The following E2F6 variants were observed in gnomAD, a reference collection of about 807,000 sequenced individuals.
E2F6 encodes the protein E2F transcription factor 6, also known as transcription factor E2F6.
E2F6 carries 19 observed loss-of-function variants against 31.5 expected under a neutral mutation model. That is an observed-to-expected ratio of 0.60 (90% confidence interval 0.42 to 0.89). The LOEUF (loss-of-function observed/expected upper bound fraction) is 0.89, where lower values mean the gene tolerates loss of function less well. E2F6 is among the 40% of genes least tolerant of loss of function. The probability of loss-of-function intolerance (pLI) is 0.00; values close to 1 mark genes in which losing one functional copy is unlikely to be tolerated. For synonymous variants in E2F6, 121 were observed against 127.7 expected, an observed-to-expected ratio of 0.95 and a Z score of 0.36; for missense variants, 269 against 341.6, an observed-to-expected ratio of 0.79 and a Z score of 1.67.
chr2:11,463,717 T>A (rs1671928808), intron 1 of E2F6, among the ~76,000 whole-genome samples: 1 of 152,100 alleles, frequency 6.6e-6, no homozygotes, highest in South Asian at 2.1e-4. Context: ...TTTGGGGAGC[T>A]GAGGTGAGAG....
intron 1 of E2F6, among the ~76,000 whole-genome samples, chr2:11,464,671 T>C (rs73181982): frequency 0.055 from 8,335 of 152,036 alleles, 684 homozygotes; most frequent in African/African-American, 0.18. Flanking sequence ...GAGTTAGACA[T>C]TTGGAGCTTC....
chr2:11,447,805 A>C, intron 5 of E2F6, 31 bp from the exon 6 acceptor site: 2 of 1,588,448 alleles, frequency 1.3e-6, no homozygotes, highest in Non-Finnish European at 1.7e-6. Flanking sequence ...CGTCAAGATG[A>C]ATGAAATAAT....
In E2F6 at chr2:11,458,349, C is replaced by G. The variant is rs1223363925; in HGVS notation, c.109-1116G>C. On this transcript the variant is annotated intron_variant, in intron 1 of 6. Transcript: ENST00000381525. ...AGCAAGCCAGATTTGCCTGAATAAA[C>G]AACTGTGGGGAGAGAAGAAAAAAGA... is the stretch of plus-strand genomic sequence containing the variant. The G allele has an allele frequency of 3.9e-6, 6 of 1,551,580 alleles. No individual in the cohort carries two copies. The Admixed American group carries it at 1.2e-4, about 30-fold the overall frequency.
chr2:11,465,473 G>T (rs1190721498), intron 1 of E2F6, among the ~76,000 whole-genome samples: 2 of 152,340 alleles, frequency 1.3e-5, no homozygotes, highest in East Asian at 3.9e-4. Context: ...AGGTTGCAGA[G>T]ATACAGCTAG....
chr2:11,465,834 C>A lies in E2F6; in HGVS notation c.46G>T (p.Asp16Tyr). The change falls in exon 1 of 7, where the codon GAC (aspartate) becomes TAC (tyrosine). Residue 16 changes from aspartate to tyrosine, a missense_variant. Asp to Tyr is a radical substitution (Grantham distance 160). Coordinates refer to ENST00000381525, the MANE Select transcript of E2F6 (RefSeq NM_198256.4). ...CGGCGAACCGTCTCCTCCGTCGGGT[C>A]CAGGAGGAGACTGGGTAACTTCCTC... is the stretch of plus-strand genomic sequence containing the variant. Reference protein sequence around the residue: ...PARKLPSLLLDPTEETVRRRC... With the variant: ...PARKLPSLLLYPTEETVRRRC... 2 of 1,593,050 alleles carry A rather than the reference C, an allele frequency of 1.3e-6. No homozygotes were observed. Among genetic ancestry groups the A allele is most frequent in the Non-Finnish European group, 1.7e-6 (2 of 1,170,884 alleles).
intron 1 of E2F6, among the ~76,000 whole-genome samples, chr2:11,465,313 C>G (rs1323179794): frequency 6.6e-6 from 1 of 152,008 alleles, no homozygotes; most frequent in Non-Finnish European, 1.5e-5. Context: ...GGAAAGGGAG[C>G]CAAATTTCCT....
intron 2 of E2F6, among the ~76,000 whole-genome samples, chr2:11,456,397 C>T (rs778344441): frequency 6.6e-6 from 1 of 152,136 alleles, no homozygotes; most frequent in Non-Finnish European, 1.5e-5. Context: ...GGAAGTTAGA[C>T]CCTGAACGAG....
In E2F6 at chr2:11,466,027, A is replaced by G; in HGVS notation, c.-148T>C. The G allele has an allele frequency of 3.1e-6, 2 of 650,886 alleles. No individual in the cohort carries two copies. The highest frequency in any genetic ancestry group is 2.3e-5 in the South Asian group (1 of 43,252). 40.3% of individuals were successfully genotyped at this position (650,886 alleles called of 1,614,324 possible). ...GCTTCCTCCGAGGCGCCGCCCGGCT[A>G]GGCCGTCCCGCCCGCCAGTAAACGC... On this transcript the variant is annotated 5_prime_UTR_variant, in exon 1 of 7. Coordinates refer to ENST00000381525, the MANE Select transcript of E2F6 (RefSeq NM_198256.4).
At chr2:11,460,111 T>C (rs562194898) in intron 1 of E2F6, among the ~76,000 whole-genome samples, 80 of 152,226 alleles carry the variant, frequency 5.3e-4, no homozygotes, top group South Asian at 3.5e-3. Flanking sequence ...CTATACTTTA[T>C]TGTGTAGCTT....
rs188751596 is a variant in E2F6, at chr2:11,455,407, G to A, written c.164-1609C>T. 116 of 1,277,408 alleles carry A rather than the reference G, an allele frequency of 9.1e-5. No homozygotes were observed. The East Asian group carries it at 4.4e-3, about 49-fold the overall frequency. 79.1% of individuals were successfully genotyped at this position (1,277,408 alleles called of 1,614,324 possible). ...CACATTTAGTTTAAAGACCACTGGC[G>A]GTTACTTCAGGAACAAAGGTACATA... On this transcript the variant is annotated intron_variant, in intron 2 of 6. Transcript: ENST00000381525.
At chr2:11,453,852 A>T (rs1671228462) in intron 2 of E2F6, 54 bp from the exon 3 acceptor site, 1 of 1,464,696 alleles carries the variant, frequency 6.8e-7, no homozygotes. Context: ...TTCTCAACTC[A>T]TTTTTAAAAA....
intron 2 of E2F6, among the ~76,000 whole-genome samples, chr2:11,454,994 C>A (rs551249228): frequency 6.6e-6 from 1 of 152,304 alleles, no homozygotes. Flanking sequence ...TCCAACTTTA[C>A]GATTTTGCTT....
At position 11,446,243 on chromosome 2, in the gene E2F6, T is replaced by C; in HGVS notation, c.*234A>G. On this transcript the variant is annotated 3_prime_UTR_variant, in exon 7 of 7. Coordinates refer to ENST00000381525, the MANE Select transcript of E2F6 (RefSeq NM_198256.4). ...TACTTCAGGAGGCAAGATGTCTATTTCACTGACAAAAAGCAGTGAATAATT... is the reference window on the plus strand; with the variant it reads ...TACTTCAGGAGGCAAGATGTCTATTCCACTGACAAAAAGCAGTGAATAATT... 1 of 492,826 alleles carries C rather than the reference T, an allele frequency of 2.0e-6. No individual in the cohort carries two copies. The highest frequency in any genetic ancestry group is 3.0e-5 in the South Asian group (1 of 33,560). The allele number at this position is 492,826 out of a possible 1,614,324, so 30.5% of individuals were successfully genotyped here.
At chr2:11,464,375 T>C (rs745876443) in intron 1 of E2F6, among the ~76,000 whole-genome samples, 5 of 151,378 alleles carry the variant, frequency 3.3e-5, no homozygotes, top group Admixed American at 6.6e-5. Flanking sequence ...AAATTAGCCG[T>C]GCGTGGTGGC....
intron 2 of E2F6, among the ~76,000 whole-genome samples, chr2:11,456,399 C>T (rs933553003): frequency 2.0e-5 from 3 of 152,148 alleles, no homozygotes; most frequent in Non-Finnish European, 2.9e-5. Context: ...AAGTTAGACC[C>T]TGAACGAGAA....
At chr2:11,449,936 G>T in intron 5 of E2F6, 76 bp downstream of exon 5, 1 of 1,146,400 alleles carries the variant, frequency 8.7e-7, no homozygotes, top group South Asian at 1.3e-5. Context: ...TCTTAAGTAT[G>T]ACTGCAATAA....
At chr2:11,451,920 T>C (rs1671095503) in intron 3 of E2F6, 114 bp from the exon 4 acceptor site, 6 of 997,128 alleles carry the variant, frequency 6.0e-6, no homozygotes, top group South Asian at 3.0e-5. Context: ...TCCACAACAA[T>C]AGAAACTAGG....
intron 1 of E2F6, 70 bp from the exon 2 acceptor site, chr2:11,457,303 C>A: frequency 1.0e-6 from 1 of 965,662 alleles, no homozygotes; most frequent in South Asian, 1.4e-5. Flanking sequence ...GCATTTTACT[C>A]AATAGTATAA....
At chr2:11,457,537 C>T (rs565237052) in intron 1 of E2F6, among the ~76,000 whole-genome samples, 46 of 152,268 alleles carry the variant, frequency 3.0e-4, no homozygotes, top group Non-Finnish European at 5.9e-4. Flanking sequence ...GCAAGAGAAT[C>T]GCTTGAATCT....
Sources: gnomAD v4.1 joint callset for allele counts (sites outside exome capture counted in the v4.1 genomes callset) on GRCh38, gnomAD v4.1.1 for gene constraint, MANE v1.5 for transcripts, NCBI Gene and HGNC (gene_info 2026-07-23, HGNC 2026-07-21) for gene names.